Variants in CNTNAP2 observed in about 807,000 individuals in gnomAD.
The protein encoded by CNTNAP2 is contactin associated protein 2.
A neutral mutation model predicts 155.2 loss-of-function variants in CNTNAP2; 98 were observed. That is an observed-to-expected ratio of 0.63 (90% CI 0.54 to 0.75). CNTNAP2 has a LOEUF of 0.75. Among genes scored for constraint, CNTNAP2 ranks in the 30% least tolerant of loss-of-function variants. The pLI, the probability that CNTNAP2 is intolerant of heterozygous loss-of-function variation, is 0.00. For synonymous variants in CNTNAP2, 651 were observed against 631.2 expected (o/e 1.03, Z -0.47); for missense variants, 1,727 against 1,688.1 (o/e 1.02, Z -0.40).
intron 3 of CNTNAP2, among the ~76,000 whole-genome samples, chr7:146,850,461 A>T: frequency 6.6e-6 from 1 of 152,210 alleles, no homozygotes; most frequent in East Asian, 1.9e-4. Flanking sequence ...AATAAATAAT[A>T]ACAGCCAACC....
intron 1 of CNTNAP2, among the ~76,000 whole-genome samples, chr7:146,222,572 G>A (rs921190727): frequency 5.0e-4 from 76 of 151,778 alleles, no homozygotes; most frequent in African/African-American, 1.8e-3. Context: ...GTGTGTGTGT[G>A]TGTGCGTGCA....
At chr7:147,293,860 A>G (rs892847906) in intron 8 of CNTNAP2, among the ~76,000 whole-genome samples, 6 of 152,208 alleles carry the variant, frequency 3.9e-5, no homozygotes, top group African/African-American at 1.4e-4. Context: ...TAACAATTAT[A>G]AGTTAGGGAG....
At chr7:147,290,926 G>T (rs766744171) in intron 8 of CNTNAP2, among the ~76,000 whole-genome samples, 2 of 152,106 alleles carry the variant, frequency 1.3e-5, no homozygotes, top group Non-Finnish European at 2.9e-5. Flanking sequence ...TGTTGAATCT[G>T]CAAATAATAA....
rs530192142 is a variant in CNTNAP2, at chr7:146,674,817, G to C, written c.98-99454G>C. Among the ~76,000 whole-genome samples the C allele has an allele frequency of 2.0e-5, 3 of 152,262 alleles. No individual in the cohort carries two copies. The South Asian group carries it at 6.2e-4, about 32-fold the overall frequency. ...ACTAGGAAATGTGTAGTAAATAAGGGCTATTTAGTAAGGTTTGTTATGCAA... is the reference window on the plus strand; with the variant it reads ...ACTAGGAAATGTGTAGTAAATAAGGCCTATTTAGTAAGGTTTGTTATGCAA... On this transcript the variant is annotated intron_variant, in intron 1 of 23. Coordinates refer to ENST00000361727, the MANE Select transcript of CNTNAP2 (RefSeq NM_014141.6).
At chr7:146,134,729 A>G (rs1797771530) in intron 1 of CNTNAP2, among the ~76,000 whole-genome samples, 1 of 151,654 alleles carries the variant, frequency 6.6e-6, no homozygotes, top group South Asian at 2.1e-4. Context: ...ATTTGCGTAT[A>G]TTGAACCAGC....
At chr7:146,309,072 T>G (rs181906761) in intron 1 of CNTNAP2, among the ~76,000 whole-genome samples, 2 of 152,296 alleles carry the variant, frequency 1.3e-5, no homozygotes, top group Admixed American at 1.3e-4. Context: ...TTTTAAATAT[T>G]GAGTGCAGGT....
At chr7:147,578,507 C>T (rs1280715353) in intron 12 of CNTNAP2, among the ~76,000 whole-genome samples, 3 of 151,802 alleles carry the variant, frequency 2.0e-5, no homozygotes, top group Non-Finnish European at 4.4e-5. Flanking sequence ...GTAAAGGAAA[C>T]GAAATAAGAA....
chr7:147,624,003 A>G (rs1025420316), intron 12 of CNTNAP2, among the ~76,000 whole-genome samples: 1 of 152,072 alleles, frequency 6.6e-6, no homozygotes, highest in Non-Finnish European at 1.5e-5. Flanking sequence ...CCAAGAACAT[A>G]CTCTTAGGAA....
intron 11 of CNTNAP2, among the ~76,000 whole-genome samples, chr7:147,502,839 AAAG>A (rs1225647857): frequency 2.9e-4 from 44 of 152,112 alleles, no homozygotes; most frequent in African/African-American, 9.9e-4. Context: ...GAAATTAAAA[AAAG>A]AAAGTAGCAG....
intron 1 of CNTNAP2, among the ~76,000 whole-genome samples, chr7:146,567,414 C>G (rs1456877603): frequency 6.6e-6 from 1 of 151,912 alleles, no homozygotes; most frequent in African/African-American, 2.4e-5. Context: ...GAAAATCAAT[C>G]AATTTAATTA....
chr7:148,281,912 T>G (rs914877726), intron 21 of CNTNAP2, among the ~76,000 whole-genome samples: 5 of 144,512 alleles, frequency 3.5e-5, no homozygotes, highest in African/African-American at 1.3e-4. Flanking sequence ...CTCAGCTCAC[T>G]GCAACCTCCA....
At chr7:147,478,173 G>GGA (rs1466601946) in intron 10 of CNTNAP2, among the ~76,000 whole-genome samples, 1 of 151,348 alleles carries the variant, frequency 6.6e-6, no homozygotes, top group African/African-American at 2.4e-5. Context: ...GGTGGTGGGG[G>GGA]AGGGAGTTTC....
rs566966247 is a variant in CNTNAP2, at chr7:146,193,061, A to G, written c.97+76088A>G. ...TGACTCCATGTCTCACATCCAGGAC[A>G]TGCTGATGCAAGAGATGGATTCCCA... On this transcript the variant is annotated intron_variant, in intron 1 of 23. Transcript: ENST00000361727. Among the ~76,000 whole-genome samples, 37 of 152,352 alleles carry G rather than the reference A, an allele frequency of 2.4e-4. No homozygotes were observed. The South Asian group carries it at 6.8e-3, about 28-fold the overall frequency.
At chr7:146,253,837 G>A (rs1047847768) in intron 1 of CNTNAP2, among the ~76,000 whole-genome samples, 3 of 152,030 alleles carry the variant, frequency 2.0e-5, no homozygotes, top group Non-Finnish European at 4.4e-5. Context: ...TAGCAGGATT[G>A]CTTGAACCTA....
chr7:147,096,277 G>T (rs1380436630), intron 4 of CNTNAP2, among the ~76,000 whole-genome samples: 1 of 152,156 alleles, frequency 6.6e-6, no homozygotes, highest in Non-Finnish European at 1.5e-5. Flanking sequence ...AAATCAACTG[G>T]TGAACATTTA....
intron 3 of CNTNAP2, among the ~76,000 whole-genome samples, chr7:146,849,551 ACT>A (rs1319890201): frequency 2.0e-5 from 3 of 152,312 alleles, no homozygotes; most frequent in Non-Finnish European, 4.4e-5. Flanking sequence ...CTGCTCCAAC[ACT>A]TTCTCGTGGT....
chr7:146,747,784 C>T (rs1801834021), intron 1 of CNTNAP2, among the ~76,000 whole-genome samples: 1 of 152,114 alleles, frequency 6.6e-6, no homozygotes, highest in African/African-American at 2.4e-5. Flanking sequence ...CAAGTCCTTA[C>T]ATATAGATCC....
chr7:148,335,818 A>T (rs1202892105), intron 21 of CNTNAP2, among the ~76,000 whole-genome samples: 2 of 152,010 alleles, frequency 1.3e-5, no homozygotes, highest in African/African-American at 4.8e-5. Context: ...AGCCTTTTTG[A>T]TATATTCAAC....
intron 1 of CNTNAP2, among the ~76,000 whole-genome samples, chr7:146,766,937 G>A (rs1802205485): frequency 1.3e-5 from 2 of 152,086 alleles, no homozygotes; most frequent in Non-Finnish European, 2.9e-5. Context: ...TAGGAAACAA[G>A]AGAGATATAG....
Sources: allele counts gnomAD v4.1 joint callset (sites outside exome capture counted in the v4.1 genomes callset), GRCh38; gene constraint gnomAD v4.1.1; transcripts MANE v1.5; gene names NCBI Gene and HGNC (gene_info 2026-07-23, HGNC 2026-07-21).